Variants in JMJD1C observed in about 807,000 individuals in gnomAD.
The protein encoded by JMJD1C is jumonji domain containing 1C, also known as jumonji domain-containing protein 1C.
In JMJD1C, 31 loss-of-function variants were observed where a neutral mutation model predicts 245.3. The observed-to-expected ratio is 0.13, with a 90% CI of 0.09 to 0.17. JMJD1C has a LOEUF of 0.17. Ranked by LOEUF, JMJD1C falls within the 10% of genes least tolerant of loss-of-function variation. JMJD1C has a pLI of 1.00. For missense variants in JMJD1C, 2,691 were observed against 3,000.2 expected (o/e 0.90, Z 2.41); for synonymous variants, 1,057 against 1,017.4 (o/e 1.04, Z -0.74).
At chr10:63,241,203 G>T (rs1393479230) in intron 3 of JMJD1C, among the ~76,000 whole-genome samples, 1 of 152,186 alleles carries the variant, frequency 6.6e-6, no homozygotes, top group Non-Finnish European at 1.5e-5. Flanking sequence ...TTATGAAGGG[G>T]TTACATCCAG....
intron 3 of JMJD1C, among the ~76,000 whole-genome samples, chr10:63,260,200 T>A (rs945661074): frequency 2.0e-5 from 3 of 152,232 alleles, no homozygotes; most frequent in Non-Finnish European, 2.9e-5. Context: ...TCTAACGGTT[T>A]TAACTAGTGA....
At chr10:63,277,204 A>AT (rs1459449963) in intron 2 of JMJD1C, among the ~76,000 whole-genome samples, 1 of 150,706 alleles carries the variant, frequency 6.6e-6, no homozygotes, top group Non-Finnish European at 1.5e-5. Context: ...CTATTTTTTT[A>AT]TTTTTTTTAA....
At chr10:63,447,073 A>AG (rs1298711483) in intron 1 of JMJD1C, among the ~76,000 whole-genome samples, 6 of 16,150 alleles carry the variant, frequency 3.7e-4, no homozygotes, top group Non-Finnish European at 9.4e-4. Context: ...TTTTATAACC[A>AG]GGAAAAAAAA....
intron 3 of JMJD1C, among the ~76,000 whole-genome samples, chr10:63,233,415 A>T (rs1386821190): frequency 6.6e-6 from 1 of 152,170 alleles, no homozygotes; most frequent in African/African-American, 2.4e-5. Flanking sequence ...AAAAAATTTT[A>T]AACTTCATGT....
At chr10:63,341,264 T>C (rs1376650270) in intron 2 of JMJD1C, among the ~76,000 whole-genome samples, 1 of 152,212 alleles carries the variant, frequency 6.6e-6, no homozygotes, top group African/African-American at 2.4e-5. Flanking sequence ...CATGAAGCAG[T>C]ACAGAAATTC....
At chr10:63,203,506 G>A in intron 10 of JMJD1C, 1 of 980,442 alleles carries the variant, frequency 1.0e-6, no homozygotes, top group Non-Finnish European at 1.2e-6. Context: ...TGGAGATAGA[G>A]AAATTAACTG....
chr10:63,279,774 T>A (rs1366541270), intron 2 of JMJD1C, among the ~76,000 whole-genome samples: 2 of 152,194 alleles, frequency 1.3e-5, no homozygotes, highest in Non-Finnish European at 2.9e-5. Context: ...TTAATTAATT[T>A]ATGTGAAAGA....
chr10:63,499,958 A>G (rs1954489732), intron 1 of JMJD1C, among the ~76,000 whole-genome samples: 1 of 152,100 alleles, frequency 6.6e-6, no homozygotes, highest in African/African-American at 2.4e-5. Context: ...GCCTCAAAAA[A>G]CTCTACTAAC....
chr10:63,207,096 T>G lies in JMJD1C; in HGVS notation c.4573A>C (p.Ser1525Arg). Residue 1525 changes from serine to arginine, a missense_variant, in exon 10 of 26, where the codon AGT becomes CGT. By Grantham distance (110) the Ser-to-Arg change is moderately radical (BLOSUM62 -1). Coordinates refer to ENST00000399262, the MANE Select transcript of JMJD1C (RefSeq NM_032776.3). ...SLPLDSTVICSTINKANSVGN... is the reference protein window; with the variant it reads ...SLPLDSTVICRTINKANSVGN... ...ACAGAGTTTGCTTTGTTAATTGTAC[T>G]ACAGATTACAGTGCTATCCAGAGGA... 1.9e-6 allele frequency: 3 copies of G among 1,614,236 alleles called. No homozygotes were observed. The highest frequency in any genetic ancestry group is 1.7e-6 in the Non-Finnish European group (2 of 1,180,032).
intron 1 of JMJD1C, among the ~76,000 whole-genome samples, chr10:63,388,892 A>G (rs1947830016): frequency 6.6e-6 from 1 of 152,244 alleles, no homozygotes; most frequent in Non-Finnish European, 1.5e-5. Flanking sequence ...AGCTACAATT[A>G]AACAGTCAAA....
chr10:63,331,268 T>C (rs753730672), intron 2 of JMJD1C, among the ~76,000 whole-genome samples: 1 of 152,172 alleles, frequency 6.6e-6, no homozygotes, highest in Non-Finnish European at 1.5e-5. Flanking sequence ...TCTTGCCCTA[T>C]AAAAATATGT....
At chr10:63,224,291 G>A (rs1353348864) in intron 3 of JMJD1C, among the ~76,000 whole-genome samples, 1 of 152,012 alleles carries the variant, frequency 6.6e-6, no homozygotes, top group Admixed American at 6.6e-5. Flanking sequence ...CTTAATAAAT[G>A]TTTTAATAAG....
rs1312284524 is a variant in JMJD1C, at chr10:63,427,543, G to A, written c.168+37952C>T. On this transcript the variant is annotated intron_variant, in intron 1 of 25. Transcript: ENST00000399262. ...TCTTCATTCAGTGTACATCCTGGAG[G>A]ACTCTATTGTGGACCCACAGAATCA... 9.3e-6 allele frequency: 13 copies of A among 1,392,224 alleles called. No homozygotes were observed. The African/African-American group carries it at 1.4e-4, about 15-fold the overall frequency. 86.2% of individuals were successfully genotyped at this position (1,392,224 alleles called of 1,614,324 possible). A position where few individuals can be genotyped will look rare whatever the true frequency, so the allele number is the denominator to read the frequency against.
intron 1 of JMJD1C, among the ~76,000 whole-genome samples, chr10:63,439,644 C>T (rs140805997): frequency 7.6e-4 from 116 of 152,232 alleles, no homozygotes; most frequent in Middle Eastern, 6.8e-3. Flanking sequence ...TTTTATCAAT[C>T]TTATTCATAG....
chr10:63,173,987 G>C (rs1402078180), intron 24 of JMJD1C, among the ~76,000 whole-genome samples: 1 of 152,152 alleles, frequency 6.6e-6, no homozygotes, highest in African/African-American at 2.4e-5. Context: ...AAACCACCAT[G>C]AGACACCACT....
Position 63,213,750 on chromosome 10 carries a change from G to A in JMJD1C, c.2417C>T (p.Ala806Val). 2 of 1,614,166 alleles carry A rather than the reference G, an allele frequency of 1.2e-6. No homozygotes were observed. Among genetic ancestry groups the A allele is most frequent in the South Asian group, 1.1e-5 (1 of 91,088 alleles). ...LPTVLPGVPT[A>V]SLLGGHPRLE... ...TCGTGGGTGGCCACCAAGTAAGGAG[G>A]CAGTAGGCACTCCAGGTAACACAGT... Residue 806 changes from alanine to valine, a missense_variant, in exon 8 of 26, where the codon GCC (alanine) becomes GTC (valine). This residue lies in a region of JMJD1C where 1,562 missense variants were observed against 1,490.7 expected (regional missense o/e 1.05). Coordinates refer to ENST00000399262, the MANE Select transcript of JMJD1C (RefSeq NM_032776.3).
intron 1 of JMJD1C, among the ~76,000 whole-genome samples, chr10:63,456,395 A>C (rs1026001501): frequency 6.6e-6 from 1 of 152,168 alleles, no homozygotes; most frequent in Non-Finnish European, 1.5e-5. Context: ...TATTGCATCA[A>C]GATTCCATCT....
At chr10:63,457,468 G>T (rs1952486286) in intron 1 of JMJD1C, among the ~76,000 whole-genome samples, 1 of 152,090 alleles carries the variant, frequency 6.6e-6, no homozygotes, top group Admixed American at 6.6e-5. Flanking sequence ...GCAGATTTGT[G>T]AGTAATTATG....
At chr10:63,182,298 G>T (rs1843585515) in intron 22 of JMJD1C, among the ~76,000 whole-genome samples, 1 of 152,200 alleles carries the variant, frequency 6.6e-6, no homozygotes, top group African/African-American at 2.4e-5. Context: ...CAGAAGCAGA[G>T]AACTATATTC....
Sources: allele counts gnomAD v4.1 joint callset (sites outside exome capture counted in the v4.1 genomes callset), GRCh38; gene constraint gnomAD v4.1.1; regional missense constraint gnomAD v4.1.1; transcripts MANE v1.5; gene names NCBI Gene and HGNC (gene_info 2026-07-23, HGNC 2026-07-21).